The following UGT2B7 variants were observed in gnomAD, a reference collection of about 807,000 sequenced individuals.
UGT2B7 encodes UDP-glucuronosyltransferase 2B7.
In UGT2B7, 51 loss-of-function variants were observed where a neutral mutation model predicts 51.9. The ratio of observed to expected loss-of-function variants is 0.98; its 90% CI spans 0.78 to 1.24. The LOEUF (loss-of-function observed/expected upper bound fraction) is 1.24, where lower values mean the gene tolerates loss of function less well. UGT2B7 is among the 50% of genes most tolerant of loss of function. UGT2B7 has a pLI of 0.00. For missense variants in UGT2B7, 727 were observed against 628.4 expected, an observed-to-expected ratio of 1.16 and a Z score of -1.68; for synonymous variants, 225 against 211.6, an observed-to-expected ratio of 1.06 and a Z score of -0.55.
Position 69,097,071 on chromosome 4 carries a change from G to A in UGT2B7, c.551G>A (p.Ser184Asn), listed in dbSNP as rs775401992. 5.0e-6 allele frequency: 8 copies of A among 1,613,672 alleles called. No homozygotes were observed. The African/African-American group carries it at 6.7e-5, about 13-fold the overall frequency. The change falls in exon 1 of 6, where the codon AGT (serine) becomes AAT (asparagine). Residue 184 changes from serine to asparagine, a missense_variant. Ser to Asn is a conservative substitution (Grantham distance 46, BLOSUM62 1). Transcript: ENST00000305231. ...CCTGGCTACACTTTTGAAAAGCATA[G>A]TGGAGGATTTATTTTCCCTCCTTCC... is the stretch of plus-strand genomic sequence containing the variant. ...FSPGYTFEKH[S>N]GGFIFPPSYV... is the part of the protein sequence containing the mutation.
At chr4:69,051,981 GT>G (rs1160950238) in intron 1 of UGT2B7, among the ~76,000 whole-genome samples, 1 of 152,108 alleles carries the variant, frequency 6.6e-6, no homozygotes, top group Non-Finnish European at 1.5e-5. Flanking sequence ...TGAGCGTGGT[GT>G]TTTGCCTCGA....
chr4:69,096,477 A>AG lies in UGT2B7; in HGVS notation c.-43dup. 1 of 1,608,534 alleles carries AG rather than the reference A, an allele frequency of 6.2e-7. No individual in the cohort carries two copies. Among genetic ancestry groups the AG allele is most frequent in the Non-Finnish European group, 8.5e-7 (1 of 1,178,378 alleles). On this transcript the variant is annotated 5_prime_UTR_variant, in exon 1 of 6. Coordinates refer to ENST00000305231, the MANE Select transcript of UGT2B7 (RefSeq NM_001074.4). ...TTTGGACATAACCATGAGAAATGAC[A>AG]GAAAGGAACAGCAACTGGAAAACAA...
At chr4:69,071,209 T>C (rs1024179467) in intron 1 of UGT2B7, among the ~76,000 whole-genome samples, 1 of 152,100 alleles carries the variant, frequency 6.6e-6, no homozygotes, top group Non-Finnish European at 1.5e-5. Flanking sequence ...TTACATGATT[T>C]CTCTCTTGAA....
chr4:69,089,762 T>G (rs1719044448), intron 2 of UGT2B7, among the ~76,000 whole-genome samples: 1 of 152,216 alleles, frequency 6.6e-6, no homozygotes, highest in Non-Finnish European at 1.5e-5. Flanking sequence ...TGGGCTCAAC[T>G]AATCATTTGC....
intron 1 of UGT2B7, among the ~76,000 whole-genome samples, chr4:69,070,764 C>T (rs1366476308): frequency 1.3e-5 from 2 of 152,078 alleles, no homozygotes; most frequent in East Asian, 3.9e-4. Context: ...TTGAGCAAAG[C>T]CTCAGCATGA....
upstream of UGT2B7, chr4:69,096,372 A>G (rs928327258): frequency 1.2e-5 from 15 of 1,268,676 alleles, no homozygotes; most frequent in South Asian, 1.6e-4. Context: ...TGCCATCCAC[A>G]TGCTCAGACT....
At chr4:69,079,247 G>T (rs1213593396) in intron 1 of UGT2B7, among the ~76,000 whole-genome samples, 1 of 152,202 alleles carries the variant, frequency 6.6e-6, no homozygotes, top group Non-Finnish European at 1.5e-5. Context: ...TCAGACAGAA[G>T]TGAGACTGCT....
intron 1 of UGT2B7, among the ~76,000 whole-genome samples, chr4:69,065,556 A>G (rs1428814413): frequency 6.6e-6 from 1 of 152,218 alleles, no homozygotes; most frequent in East Asian, 1.9e-4. Flanking sequence ...TATTCTCGAT[A>G]TATGTGAAAA....
At chr4:69,111,443 C>T (rs964894080) in intron 5 of UGT2B7, among the ~76,000 whole-genome samples, 39 of 152,128 alleles carry the variant, frequency 2.6e-4, no homozygotes. Flanking sequence ...CACCATGACA[C>T]AATTACTTTT....
chr4:69,058,864 G>T (rs922119819), intron 1 of UGT2B7, among the ~76,000 whole-genome samples: 2 of 152,030 alleles, frequency 1.3e-5, no homozygotes, highest in African/African-American at 2.4e-5. Context: ...CGTGATGTGG[G>T]CATGGAAGTG....
chr4:69,060,162 G>A (rs972289846), intron 1 of UGT2B7, among the ~76,000 whole-genome samples: 3 of 152,152 alleles, frequency 2.0e-5, no homozygotes, highest in African/African-American at 7.2e-5. Context: ...GGACTGCTTC[G>A]AGGGGACCCA....
At position 69,112,835 on chromosome 4, in the gene UGT2B7, AC is replaced by A; in HGVS notation, c.*100del. 230 of 1,208,100 alleles carry A rather than the reference AC, an allele frequency of 1.9e-4. No individual in the cohort carries two copies. Among genetic ancestry groups the A allele is most frequent in the South Asian group, 1.0e-3 (46 of 44,772 alleles). The allele number at this position is 1,208,100 out of a possible 1,614,324, so 74.8% of individuals were successfully genotyped here. A position where few individuals can be genotyped will look rare whatever the true frequency, so the allele number is the denominator to read the frequency against. On this transcript the variant is annotated 3_prime_UTR_variant, in exon 6 of 6. Transcript: ENST00000305231. ...GATGCAAGATTTCTTTCTTCCTGAGACAAAAAAAAAAAAAGAAAAAAAAATC... is the reference window on the plus strand; with the variant it reads ...GATGCAAGATTTCTTTCTTCCTGAGAAAAAAAAAAAAAAGAAAAAAAAATC...
intron 3 of UGT2B7, among the ~76,000 whole-genome samples, chr4:69,104,090 C>T (rs767076086): frequency 6.6e-6 from 1 of 152,050 alleles, no homozygotes; most frequent in South Asian, 2.1e-4. Flanking sequence ...AGTTCAAGAC[C>T]AGCTTGGCCA....
chr4:69,106,332 A>G (rs560500194), intron 3 of UGT2B7, among the ~76,000 whole-genome samples: 80 of 152,238 alleles, frequency 5.3e-4, no homozygotes, highest in African/African-American at 1.9e-3. Flanking sequence ...CCTTCCACTT[A>G]TAAGTGAGGA....
chr4:69,083,635 T>A (rs1321929408), intron 1 of UGT2B7, among the ~76,000 whole-genome samples: 1 of 152,114 alleles, frequency 6.6e-6, no homozygotes, highest in African/African-American at 2.4e-5. Context: ...ACAATTTCAT[T>A]TTTGTAACTT....
chr4:69,094,427 CG>C (rs1346167482), upstream of UGT2B7, among the ~76,000 whole-genome samples: 6 of 29,198 alleles, frequency 2.1e-4, 2 homozygotes. Flanking sequence ...GGATTACAGG[CG>C]TGAGCCACCG....
At chr4:69,067,366 A>G (rs1718502713) in intron 1 of UGT2B7, 1 of 154,848 alleles carries the variant, frequency 6.5e-6, no homozygotes, top group African/African-American at 2.4e-5. Flanking sequence ...TCTAAGACTT[A>G]CAATGCATAA....
At chr4:69,071,183 C>T (rs1718592069) in intron 1 of UGT2B7, among the ~76,000 whole-genome samples, 1 of 151,962 alleles carries the variant, frequency 6.6e-6, no homozygotes, top group South Asian at 2.1e-4. Flanking sequence ...TAGTCCAGTC[C>T]CTCTAGATTA....
intron 1 of UGT2B7, among the ~76,000 whole-genome samples, chr4:69,058,882 A>G (rs1718277486): frequency 6.6e-6 from 1 of 151,886 alleles, no homozygotes; most frequent in Non-Finnish European, 1.5e-5. Context: ...GTGGGCATGG[A>G]AGAAGCCAGT....
Sources: gnomAD v4.1 joint callset for allele counts (sites outside exome capture counted in the v4.1 genomes callset) on GRCh38, gnomAD v4.1.1 for gene constraint, MANE v1.5 for transcripts, NCBI Gene and HGNC (gene_info 2026-07-23, HGNC 2026-07-21) for gene names.